The following SPATA31C2 variants were observed in gnomAD, a reference collection of about 807,000 sequenced individuals.
SPATA31C2 encodes spermatogenesis-associated protein 31C2.
SPATA31C2 carries 5 observed loss-of-function variants against 11.4 expected under a neutral mutation model. The observed-to-expected ratio is 0.44, with a 90% CI of 0.23 to 0.92. The LOEUF (loss-of-function observed/expected upper bound fraction) is 0.92, where lower values mean the gene tolerates loss of function less well. SPATA31C2 is among the 40% of genes least tolerant of loss of function. SPATA31C2 has a pLI of 0.24. For missense variants in SPATA31C2, 1,353 were observed against 1,368.6 expected, an observed-to-expected ratio of 0.99 and a Z score of 0.18; for synonymous variants, 515 against 538.7, an observed-to-expected ratio of 0.96 and a Z score of 0.61.
At chr9:88,137,189 A>G (rs867983155) in intron 1 of SPATA31C2, among the ~76,000 whole-genome samples, 59 of 147,358 alleles carry the variant, frequency 4.0e-4, no homozygotes, top group Admixed American at 9.5e-4. Flanking sequence ...AGAATTGAGA[A>G]CTCAGAAATA....
chr9:88,137,693 C>G (rs1403013336), intron 1 of SPATA31C2, among the ~76,000 whole-genome samples: 25 of 109,074 alleles, frequency 2.3e-4, no homozygotes, highest in Non-Finnish European at 3.4e-4. Context: ...CCATCAGTCC[C>G]TGTTCCTCTG....
intron 2 of SPATA31C2, 80 bp from the exon 3 acceptor site, chr9:88,133,106 A>T: frequency 9.0e-7 from 1 of 1,104,998 alleles, no homozygotes. Flanking sequence ...TCTTTAGGGA[A>T]GACCATGGGG....
At chr9:88,135,657 G>A (rs1481852553) in intron 1 of SPATA31C2, among the ~76,000 whole-genome samples, 1 of 126,626 alleles carries the variant, frequency 7.9e-6, no homozygotes, top group African/African-American at 3.4e-5. Flanking sequence ...GACTACAGGC[G>A]CCCACCACCA....
chr9:88,132,626 A>C lies in SPATA31C2; in HGVS notation c.411T>G (p.Pro137=). 5 of 1,609,706 alleles carry C rather than the reference A, an allele frequency of 3.1e-6. No homozygotes were observed. Among genetic ancestry groups the C allele is most frequent in the Non-Finnish European group, 4.2e-6 (5 of 1,177,530 alleles). ...DPPGEVGKRT[P]DGASRSSHEP... is the part of the protein sequence containing the mutation. Reference sequence around the variant, plus strand: ...CATGAGAGGACCGGGAGGCTCCATCAGGTGTTCTTTTGCCCACCTCACCTG... The same window carrying C: ...CATGAGAGGACCGGGAGGCTCCATCCGGTGTTCTTTTGCCCACCTCACCTG... Residue 137 remains proline, a synonymous_variant, in exon 4 of 4, where the codon CCT becomes CCG. Transcript: ENST00000324915.
In SPATA31C2 at chr9:88,130,641, T is replaced by G. The variant is rs1442387941; in HGVS notation, c.2396A>C (p.Glu799Ala). ...GGGGACTGTGGGTTGTGGCACTGCC[T>G]CCCTGGTCTCTCCAGCCCTTGAAGA... ...AQSSRAGETR[E>A]AVPQPTVPLG... The change falls in exon 4 of 4, where the codon GAG becomes GCG. Residue 799 changes from glutamate (E) to alanine (A), a missense_variant. Transcript: ENST00000324915. 1 of 1,613,818 alleles carries G rather than the reference T, an allele frequency of 6.2e-7. No homozygotes were observed. The highest frequency in any genetic ancestry group is 8.5e-7 in the Non-Finnish European group (1 of 1,179,808).
At chr9:88,136,604 A>G (rs1825685600) in intron 1 of SPATA31C2, among the ~76,000 whole-genome samples, 1 of 147,000 alleles carries the variant, frequency 6.8e-6, no homozygotes. Context: ...TTCATGTCTA[A>G]TAATTATTCA....
chr9:88,132,590 T>C lies in SPATA31C2; in HGVS notation c.447A>G (p.Glu149=). 6.2e-7 allele frequency: 1 copy of C among 1,610,238 alleles called. No individual in the cohort carries two copies. Among genetic ancestry groups the C allele is most frequent in the South Asian group, 1.1e-5 (1 of 90,980 alleles). The stretch of plus-strand genomic sequence containing the variant: ...ACGGGGAGACAATGGGAGCAGCGTC[T>C]TCCGTAGGCTCATGAGAGGACCGGG... ...GASRSSHEPT[E]DAAPIVSPLA... Residue 149 remains glutamate, a synonymous_variant, in exon 4 of 4, where the codon GAA becomes GAG. Transcript: ENST00000324915.
chr9:88,132,591 T>G lies in SPATA31C2; in HGVS notation c.446A>C (p.Glu149Ala). The change falls in exon 4 of 4, where the codon GAA (glutamate) becomes GCA (alanine). Residue 149 changes from glutamate to alanine, a missense_variant. Glu to Ala is a moderately radical substitution (Grantham distance 107). This residue lies in a region of SPATA31C2 where 1,075 missense variants were observed against 992.8 expected (regional missense o/e 1.08). Coordinates refer to ENST00000324915, the MANE Select transcript of SPATA31C2 (RefSeq NM_001350978.3). ...CGGGGAGACAATGGGAGCAGCGTCT[T>G]CCGTAGGCTCATGAGAGGACCGGGA... is the stretch of plus-strand genomic sequence containing the variant. ...GASRSSHEPT[E>A]DAAPIVSPLA... 6.2e-7 allele frequency: 1 copy of G among 1,610,148 alleles called. No individual in the cohort carries two copies. Among genetic ancestry groups the G allele is most frequent in the Non-Finnish European group, 8.5e-7 (1 of 1,177,644 alleles).
chr9:88,131,227 T>C lies in SPATA31C2; in HGVS notation c.1810A>G (p.Asn604Asp). ...GTGTTGGAGACGGGAAAAGCCTGGT[T>C]GACAGCAAGCCAGGATCGACGCACA... ...VSVRRSWLAV[N>D]QAFPVSNTHV... is the part of the protein sequence containing the mutation. Residue 604 changes from asparagine to aspartate, a missense_variant, in exon 4 of 4, where the codon AAC becomes GAC. Coordinates refer to ENST00000324915, the MANE Select transcript of SPATA31C2 (RefSeq NM_001350978.3). 6.2e-7 allele frequency: 1 copy of C among 1,611,926 alleles called. No individual in the cohort carries two copies. The highest frequency in any genetic ancestry group is 8.5e-7 in the Non-Finnish European group (1 of 1,179,870).
rs1242677265 is a variant in SPATA31C2 at position 88,132,773 on chromosome 9, C to T, written c.327-63G>A. 3.0e-5 allele frequency: 47 copies of T among 1,541,824 alleles called. No homozygotes were observed. The Middle Eastern group carries it at 6.9e-4, about 23-fold the overall frequency. On this transcript the variant is annotated intron_variant, in intron 3 of 3. Coordinates refer to ENST00000324915, the MANE Select transcript of SPATA31C2 (RefSeq NM_001350978.3). Reference sequence around the variant, plus strand: ...AGATGGGTTCGGAGGGCAGAGTGGGCGCTTGGGCCACAGCCCCTCCACCAC... The same window carrying T: ...AGATGGGTTCGGAGGGCAGAGTGGGTGCTTGGGCCACAGCCCCTCCACCAC...
chr9:88,130,436 T>C lies in SPATA31C2; in HGVS notation c.2601A>G (p.Ser867=), dbSNP rs745641019. 14 of 1,613,140 alleles carry C rather than the reference T, an allele frequency of 8.7e-6. No individual in the cohort carries two copies. The highest frequency in any genetic ancestry group is 1.2e-5 in the Non-Finnish European group (14 of 1,179,524). ...SEFEPGKATK[S]ETQPQVSATV... The stretch of plus-strand genomic sequence containing the variant: ...TGGCAGAAACTTGAGGCTGGGTCTC[T>C]GACTTCGTGGCCTTTCCAGGCTCAA... The change falls in exon 4 of 4, where the codon TCA becomes TCG. Residue 867 remains serine, a synonymous_variant. Transcript: ENST00000324915.
rs1384769198 is a variant in SPATA31C2, at chr9:88,137,411, A to G, written c.189+847T>C. Among the ~76,000 whole-genome samples the G allele has an allele frequency of 6.0e-4, 88 of 146,164 alleles. 1 individual carries two copies. The highest frequency in any genetic ancestry group is 2.0e-3 in the African/African-American group (78 of 39,606). ...AGGCTGAGGCAGGTGGATCACCTGA[A>G]GTCAAGAGTTTGAGACCAGCCTGGC... is the stretch of plus-strand genomic sequence containing the variant. On this transcript the variant is annotated intron_variant, in intron 1 of 3. Coordinates refer to ENST00000324915, the MANE Select transcript of SPATA31C2 (RefSeq NM_001350978.3).
chr9:88,136,646 A>G (rs1382260002), intron 1 of SPATA31C2, among the ~76,000 whole-genome samples: 1 of 146,960 alleles, frequency 6.8e-6, no homozygotes, highest in African/African-American at 2.5e-5. Context: ...ATTTCTCATT[A>G]AATTTCATAT....
At chr9:88,135,241 C>T (rs1390770527) in intron 1 of SPATA31C2, among the ~76,000 whole-genome samples, 1 of 120,846 alleles carries the variant, frequency 8.3e-6, no homozygotes, top group Non-Finnish European at 1.6e-5. Context: ...ACAGATATTA[C>T]CTGGTTCCTT....
At chr9:88,133,164 C>A in intron 2 of SPATA31C2, 138 bp from the exon 3 acceptor site, 1 of 651,960 alleles carries the variant, frequency 1.5e-6, no homozygotes, top group East Asian at 6.3e-5. Context: ...CACATGGCCC[C>A]GACGGTAATA....
intron 1 of SPATA31C2, among the ~76,000 whole-genome samples, chr9:88,134,416 C>G (rs1305007282): frequency 2.0e-5 from 3 of 150,602 alleles, no homozygotes; most frequent in Non-Finnish European, 4.4e-5. Context: ...CAGGAAGGGA[C>G]TGATGAGCCA....
rs1238832856 is a variant in SPATA31C2, at chr9:88,129,378, T to C, written c.*254A>G. 1 of 830,302 alleles carries C rather than the reference T, an allele frequency of 1.2e-6. No individual in the cohort carries two copies. The highest frequency in any genetic ancestry group is 1.8e-6 in the Non-Finnish European group (1 of 557,094). The allele number at this position is 830,302 out of a possible 1,614,324, so 51.4% of individuals were successfully genotyped here. On this transcript the variant is annotated 3_prime_UTR_variant, in exon 4 of 4. Transcript: ENST00000324915. The stretch of plus-strand genomic sequence containing the variant: ...CTAACATGAGAGAAAATACTTTTCC[T>C]CTACATAGAGTGAATTTTTTCTTGG...
Position 88,133,688 on chromosome 9 carries a change from C to T in SPATA31C2, c.190-19G>A, listed in dbSNP as rs576485490. On this transcript the variant is annotated intron_variant, in intron 1 of 3. Transcript: ENST00000324915. ...GATGACGCTGGGAGACAAGAAATGG[C>T]GAGGAGCTAGGACCGGCTCTCCCTC... The T allele has an allele frequency of 5.6e-5, 89 of 1,603,160 alleles. No homozygotes were observed. Among genetic ancestry groups the T allele is most frequent in the East Asian group, 2.5e-4 (11 of 44,264 alleles).
At position 88,131,167 on chromosome 9, in the gene SPATA31C2, T is replaced by C; in HGVS notation, c.1870A>G (p.Ser624Gly). ...VKTSNLAAPK[S>G]RKACVNTAQV... Reference sequence around the variant, plus strand: ...GCTGTGTTCACACAGGCTTTCCTGCTTTTCGGGGCTGCTAGATTGCTGGTT... The same window carrying C: ...GCTGTGTTCACACAGGCTTTCCTGCCTTTCGGGGCTGCTAGATTGCTGGTT... The change falls in exon 4 of 4, where the codon AGC becomes GGC. Residue 624 changes from serine to glycine, a missense_variant. Physicochemically the swap from Ser to Gly is moderately conservative, Grantham distance 56 (BLOSUM62 0). Coordinates refer to ENST00000324915, the MANE Select transcript of SPATA31C2 (RefSeq NM_001350978.3). The C allele has an allele frequency of 6.2e-7, 1 of 1,611,740 alleles. No homozygotes were observed.
Sources: gnomAD v4.1 joint callset for allele counts (sites outside exome capture counted in the v4.1 genomes callset) on GRCh38, gnomAD v4.1.1 for gene constraint, gnomAD v4.1.1 regional missense constraint, MANE v1.5 for transcripts, NCBI Gene and HGNC (gene_info 2026-07-23, HGNC 2026-07-21) for gene names.